The following FSTL4 variants were observed in gnomAD, a reference collection of about 807,000 sequenced individuals.
The protein encoded by FSTL4 is follistatin-related protein 4.
Under a neutral mutation model 78.2 loss-of-function variants are expected in FSTL4, and 28 were observed. The ratio of observed to expected loss-of-function variants is 0.36; its 90% confidence interval spans 0.27 to 0.49. The LOEUF is 0.49. Among genes scored for constraint, FSTL4 ranks in the 20% least tolerant of loss-of-function variants. FSTL4 has a pLI of 0.98. For synonymous variants in FSTL4, 422 were observed against 440.5 expected (o/e 0.96, Z 0.53); for missense variants, 922 against 1,084.9 (o/e 0.85, Z 2.11).
chr5:133,365,793 A>G (rs535183734), intron 4 of FSTL4, among the ~76,000 whole-genome samples: 1 of 152,358 alleles, frequency 6.6e-6, no homozygotes, highest in East Asian at 1.9e-4. Context: ...TGTGCTGAAG[A>G]GGGAGAATGG....
chr5:133,666,599 G>C, the FSTL4 span, among the ~76,000 whole-genome samples: 6 of 150,266 alleles, frequency 4.0e-5, no homozygotes, highest in South Asian at 6.3e-4. Flanking sequence ...AAAAAAGTCT[G>C]TTTCCAGAAC....
At chr5:133,705,863 A>ACACG in the FSTL4 span, among the ~76,000 whole-genome samples, 3 of 134,950 alleles carry the variant, frequency 2.2e-5, no homozygotes, top group African/African-American at 6.3e-5. Context: ...GCGCGCACAC[A>ACACG]CACACGCACA....
At chr5:133,761,246 G>C in the FSTL4 span, among the ~76,000 whole-genome samples, 1 of 151,882 alleles carries the variant, frequency 6.6e-6, no homozygotes. Flanking sequence ...CATCCAGGAA[G>C]AAGTCATTTC....
chr5:133,784,464 G>T, the FSTL4 span, among the ~76,000 whole-genome samples: 1 of 152,164 alleles, frequency 6.6e-6, no homozygotes, highest in East Asian at 1.9e-4. Flanking sequence ...ACTGGTCAGA[G>T]AATTCATGTT....
At chr5:133,728,187 T>A in the FSTL4 span, among the ~76,000 whole-genome samples, 2 of 152,172 alleles carry the variant, frequency 1.3e-5, no homozygotes, top group South Asian at 2.1e-4. Context: ...GATAGAAATG[T>A]GAACAAAAAC....
chr5:133,500,191 C>T (rs1159071009), intron 3 of FSTL4, among the ~76,000 whole-genome samples: 1 of 152,190 alleles, frequency 6.6e-6, no homozygotes, highest in Admixed American at 6.5e-5. Flanking sequence ...GAAGTCTTTA[C>T]ACTTTCATTT....
chr5:133,834,307 T>A, the FSTL4 span, among the ~76,000 whole-genome samples: 5 of 152,024 alleles, frequency 3.3e-5, no homozygotes, highest in African/African-American at 7.3e-5. Flanking sequence ...CTACATCTAC[T>A]GTTTTTTTCA....
At chr5:133,805,798 A>G in the FSTL4 span, among the ~76,000 whole-genome samples, 3 of 152,254 alleles carry the variant, frequency 2.0e-5, no homozygotes, top group East Asian at 5.8e-4. Context: ...CTGTTTGGAG[A>G]CTGTGGGTGT....
At chr5:133,680,208 G>T in the FSTL4 span, among the ~76,000 whole-genome samples, 2 of 152,224 alleles carry the variant, frequency 1.3e-5, no homozygotes, top group Non-Finnish European at 2.9e-5. Context: ...TCATTCATTT[G>T]CTTGTATGTT....
chr5:133,531,688 T>A (rs1314588038), intron 3 of FSTL4, among the ~76,000 whole-genome samples: 2 of 152,242 alleles, frequency 1.3e-5, no homozygotes, highest in Non-Finnish European at 2.9e-5. Flanking sequence ...GGAAAGATGA[T>A]CCTTCTCCAA....
At chr5:133,435,783 T>C (rs1298841771) in intron 3 of FSTL4, among the ~76,000 whole-genome samples, 1 of 152,222 alleles carries the variant, frequency 6.6e-6, no homozygotes, top group Non-Finnish European at 1.5e-5. Context: ...TAAAGCTCCA[T>C]GACCACAGCA....
chr5:133,737,637 C>T, the FSTL4 span, among the ~76,000 whole-genome samples: 2 of 136,474 alleles, frequency 1.5e-5, no homozygotes, highest in African/African-American at 5.5e-5. Context: ...CGGAGTCTCA[C>T]TCTGTCACCC....
the FSTL4 span, among the ~76,000 whole-genome samples, chr5:133,637,782 C>T: frequency 2.2e-3 from 340 of 151,866 alleles, no homozygotes; most frequent in Non-Finnish European, 3.9e-3. Context: ...ACTTACATCT[C>T]CAGCCTGGAC....
chr5:133,743,936 T>C, the FSTL4 span, among the ~76,000 whole-genome samples: 1 of 152,126 alleles, frequency 6.6e-6, no homozygotes, highest in African/African-American at 2.4e-5. Context: ...CTGGGAAAAT[T>C]GAGATATAAA....
At chr5:133,320,340 T>C (rs1410066963) in intron 4 of FSTL4, among the ~76,000 whole-genome samples, 2 of 152,204 alleles carry the variant, frequency 1.3e-5, no homozygotes, top group South Asian at 2.1e-4. Context: ...CTGGTTTCAC[T>C]GTGGGGTCAG....
upstream of FSTL4, among the ~76,000 whole-genome samples, chr5:133,617,466 G>T (rs187586099): frequency 3.3e-5 from 5 of 152,290 alleles, no homozygotes; most frequent in African/African-American, 1.2e-4. Flanking sequence ...CTGAGGGCTG[G>T]ACTTTGACCA....
the FSTL4 span, among the ~76,000 whole-genome samples, chr5:133,789,396 A>G: frequency 6.6e-6 from 1 of 152,166 alleles, no homozygotes; most frequent in Non-Finnish European, 1.5e-5. Flanking sequence ...GAATTTACCA[A>G]TTTTCTTCCA....
At chr5:133,739,647 C>T in the FSTL4 span, among the ~76,000 whole-genome samples, 9 of 152,194 alleles carry the variant, frequency 5.9e-5, no homozygotes, top group Non-Finnish European at 1.0e-4. Context: ...CCTAGGCCCT[C>T]GGAGGAAAAG....
chr5:133,734,644 G>C, the FSTL4 span, among the ~76,000 whole-genome samples: 1 of 152,222 alleles, frequency 6.6e-6, no homozygotes, highest in Non-Finnish European at 1.5e-5. Flanking sequence ...AATGCTAGCA[G>C]GCTATAGCTA....
Sources: gnomAD v4.1 joint callset for allele counts (sites outside exome capture counted in the v4.1 genomes callset) on GRCh38, gnomAD v4.1.1 for gene constraint, MANE v1.5 for transcripts, NCBI Gene and HGNC (gene_info 2026-07-23, HGNC 2026-07-21) for gene names.